LYPLA1: variants seen among roughly 807,000 people sequenced by gnomAD.
LYPLA1 encodes the protein lysophospholipase 1, also known as acyl-protein thioesterase 1.
LYPLA1 carries 17 observed loss-of-function variants against 34.0 expected under a neutral mutation model. That is an observed-to-expected ratio of 0.50 (90% CI 0.34 to 0.75). LYPLA1 has a LOEUF of 0.75. Among genes scored for constraint, LYPLA1 ranks in the 30% least tolerant of loss-of-function variants. LYPLA1 has a pLI of 0.01. For missense variants in LYPLA1, 203 were observed against 288.8 expected, an observed-to-expected ratio of 0.70 and a Z score of 2.15; for synonymous variants, 98 against 100.8, an observed-to-expected ratio of 0.97 and a Z score of 0.17.
intron 2 of LYPLA1, among the ~76,000 whole-genome samples, chr8:54,076,764 T>G (rs1298854999): frequency 6.6e-6 from 1 of 152,144 alleles, no homozygotes; most frequent in Non-Finnish European, 1.5e-5. Flanking sequence ...CCCAACCAAT[T>G]CCTTTAATTT....
intron 2 of LYPLA1, among the ~76,000 whole-genome samples, chr8:54,094,853 A>C (rs1414004557): frequency 2.0e-5 from 3 of 152,242 alleles, no homozygotes; most frequent in African/African-American, 7.2e-5. Context: ...ACTAAAGGAC[A>C]ATTTGAGCAT....
chr8:54,048,929 TAG>T (rs1805654855), intron 8 of LYPLA1, among the ~76,000 whole-genome samples: 1 of 152,224 alleles, frequency 6.6e-6, no homozygotes, highest in Middle Eastern at 3.4e-3. Flanking sequence ...AGAGTTGTTG[TAG>T]ACTCATCTAT....
downstream of LYPLA1, chr8:54,045,691 A>G (rs1281779532): frequency 6.6e-6 from 1 of 152,234 alleles, no homozygotes; most frequent in Non-Finnish European, 1.5e-5. Flanking sequence ...GTCAGAAGTC[A>G]ATGTTGAAAT....
intron 1 of LYPLA1, 158 bp downstream of exon 1, chr8:54,101,597 G>A (rs1810161888): frequency 2.6e-6 from 3 of 1,150,014 alleles, no homozygotes; most frequent in Non-Finnish European, 3.2e-6. Flanking sequence ...CCCGCCCCCC[G>A]CGGACCCGGC....
At chr8:54,045,415 C>T (rs1043209396), downstream of LYPLA1, 4 of 152,142 alleles carry the variant, frequency 2.6e-5, no homozygotes, top group African/African-American at 9.7e-5. Flanking sequence ...GCTCTGACCA[C>T]ATTTAGTAGT....
intron 2 of LYPLA1, among the ~76,000 whole-genome samples, chr8:54,084,124 G>GGAAAAAAAAAAAA (rs1554547911): frequency 8.9e-5 from 5 of 56,388 alleles, no homozygotes; most frequent in Admixed American, 3.5e-4. Flanking sequence ...GGAGACCAAA[G>GGAAAAAAAAAAAA]AAAAAAAAAA....
At chr8:54,084,133 A>AAAATATATATATATATACAT (rs1373090573) in intron 2 of LYPLA1, among the ~76,000 whole-genome samples, 2 of 120,484 alleles carry the variant, frequency 1.7e-5, no homozygotes, top group African/African-American at 9.2e-5. Flanking sequence ...AGAAAAAAAA[A>AAAATATATATATATATACAT]ATAAATAAAT....
At chr8:54,086,437 T>TAAAAAAAAAAA (rs1808774324) in intron 2 of LYPLA1, among the ~76,000 whole-genome samples, 6 of 32,734 alleles carry the variant, frequency 1.8e-4, no homozygotes, top group Non-Finnish European at 3.1e-4. Flanking sequence ...ACTAAAAAAA[T>TAAAAAAAAAAA]TAAAAAAAAA....
intron 2 of LYPLA1, among the ~76,000 whole-genome samples, chr8:54,082,704 T>C (rs1218172106): frequency 6.6e-6 from 1 of 152,214 alleles, no homozygotes; most frequent in Non-Finnish European, 1.5e-5. Context: ...TCAATTTTTT[T>C]CACACAGATT....
At position 54,068,098 on chromosome 8, in the gene LYPLA1, T is replaced by A. The variant is rs188092230; in HGVS notation, c.102-2285A>T. Among the ~76,000 whole-genome samples the A allele has an allele frequency of 2.0e-5, 3 of 152,302 alleles. No homozygotes were observed. In the East Asian group the frequency reaches 5.8e-4, roughly 29 times the overall value. ...AACAGTATTAACTGCAATACTTACATAACATTAACTATAACCAGGATATTA... is the reference window on the plus strand; with the variant it reads ...AACAGTATTAACTGCAATACTTACAAAACATTAACTATAACCAGGATATTA... On this transcript the variant is annotated intron_variant, in intron 2 of 8. Transcript: ENST00000316963.
At chr8:54,053,607 T>C (rs1039511018) in intron 6 of LYPLA1, 2 of 456,074 alleles carry the variant, frequency 4.4e-6, no homozygotes, top group African/African-American at 2.0e-5. Context: ...GCAGTGATGT[T>C]TTCTCCTGGC....
At chr8:54,048,150 T>A in intron 8 of LYPLA1, 32 bp from the exon 9 acceptor site, 1 of 1,391,616 alleles carries the variant, frequency 7.2e-7, no homozygotes, top group Non-Finnish European at 1.0e-6. Flanking sequence ...AATAGGTAGG[T>A]AGTTATGTAA....
At chr8:54,086,651 C>T (rs959670913) in intron 2 of LYPLA1, among the ~76,000 whole-genome samples, 3 of 151,210 alleles carry the variant, frequency 2.0e-5, no homozygotes, top group African/African-American at 4.9e-5. Flanking sequence ...TTGCTTGAGC[C>T]CAGGAGTTCA....
chr8:54,062,914 C>G (rs1563587640), intron 4 of LYPLA1, among the ~76,000 whole-genome samples: 1 of 152,154 alleles, frequency 6.6e-6, no homozygotes, highest in Admixed American at 6.5e-5. Flanking sequence ...ACTGACCCTA[C>G]TTTCTGACAG....
rs202147655 is a variant in LYPLA1, at chr8:54,059,304, T to G, written c.286+2950A>C. Among the ~76,000 whole-genome samples, 2 of 72,880 alleles carry G rather than the reference T, an allele frequency of 2.7e-5. 1 individual carries two copies. The highest frequency in any genetic ancestry group is 1.4e-3 in the South Asian group (2 of 1,400). 47.8% of individuals were successfully genotyped at this position (72,880 alleles called of 152,430 possible). On this transcript the variant is annotated intron_variant, in intron 5 of 8. Transcript: ENST00000316963. Reference sequence around the variant, plus strand: ...CTTTTGAATGTATTTTCCCTGTTTTTTTTTTTTTTTTGAGACGGAGTCTCG... The same window carrying G: ...CTTTTGAATGTATTTTCCCTGTTTTGTTTTTTTTTTTGAGACGGAGTCTCG...
chr8:54,097,640 T>C (rs929490646), intron 2 of LYPLA1, among the ~76,000 whole-genome samples: 10 of 152,232 alleles, frequency 6.6e-5, no homozygotes, highest in African/African-American at 2.2e-4. Flanking sequence ...TTGTTTTCCA[T>C]GGTTTCAGCT....
intron 2 of LYPLA1, among the ~76,000 whole-genome samples, chr8:54,090,450 T>A (rs1349190936): frequency 6.6e-6 from 1 of 152,248 alleles, no homozygotes; most frequent in African/African-American, 2.4e-5. Context: ...CTTATCTCTG[T>A]ATACTGTACT....
intron 1 of LYPLA1, chr8:54,101,400 A>C: frequency 9.5e-7 from 1 of 1,057,988 alleles, no homozygotes; most frequent in Non-Finnish European, 1.1e-6. Flanking sequence ...TAAGAGTGCG[A>C]GGTGACAATA....
intron 2 of LYPLA1, among the ~76,000 whole-genome samples, chr8:54,087,523 T>C (rs1172033006): frequency 1.3e-5 from 2 of 152,052 alleles, no homozygotes; most frequent in African/African-American, 4.8e-5. Flanking sequence ...AACATAAAAA[T>C]CATCAGGATG....
Sources: gnomAD v4.1 joint callset for allele counts (sites outside exome capture counted in the v4.1 genomes callset) on GRCh38, gnomAD v4.1.1 for gene constraint, MANE v1.5 for transcripts, NCBI Gene and HGNC (gene_info 2026-07-23, HGNC 2026-07-21) for gene names.